ATP2B2: variants seen among roughly 807,000 people sequenced by gnomAD.
ATP2B2 encodes the protein ATPase plasma membrane Ca2+ transporting 2, also known as plasma membrane calcium-transporting ATPase 2.
Under a neutral mutation model 120.0 loss-of-function variants are expected in ATP2B2, and 15 were observed. The ratio of observed to expected loss-of-function variants is 0.12; its 90% CI spans 0.08 to 0.19. The LOEUF (loss-of-function observed/expected upper bound fraction) is 0.19, where lower values mean the gene tolerates loss of function less well. Among genes scored for constraint, ATP2B2 ranks in the 10% least tolerant of loss-of-function variants. ATP2B2 has a pLI of 1.00. For missense variants in ATP2B2, 1,045 were observed against 1,719.8 expected (o/e 0.61, Z 6.94); for synonymous variants, 694 against 700.3 (o/e 0.99, Z 0.14).
At chr3:10,556,072 T>A (rs1053581127) in intron 2 of ATP2B2, among the ~76,000 whole-genome samples, 2 of 152,182 alleles carry the variant, frequency 1.3e-5, no homozygotes, top group African/African-American at 4.8e-5. Context: ...CTAACTTTTG[T>A]ATTTTTAGTA....
intron 14 of ATP2B2, among the ~76,000 whole-genome samples, chr3:10,351,172 G>C (rs1392055706): frequency 6.6e-6 from 1 of 152,188 alleles, no homozygotes; most frequent in Non-Finnish European, 1.5e-5. Context: ...TGACTGTAAT[G>C]ACAGACGGAT....
intron 10 of ATP2B2, among the ~76,000 whole-genome samples, chr3:10,376,066 C>T (rs530567637): frequency 1.1e-4 from 17 of 152,224 alleles, no homozygotes; most frequent in Middle Eastern, 6.8e-3. Flanking sequence ...TTCATTTATT[C>T]GACAAATACC....
chr3:10,552,953 A>G (rs1045248300), intron 2 of ATP2B2, among the ~76,000 whole-genome samples: 1 of 152,202 alleles, frequency 6.6e-6, no homozygotes, highest in Non-Finnish European at 1.5e-5. Context: ...TAACATCTCC[A>G]TTTCGAAGGC....
chr3:10,659,473 A>C (rs1178720459), intron 1 of ATP2B2, among the ~76,000 whole-genome samples: 5 of 152,248 alleles, frequency 3.3e-5, no homozygotes, highest in South Asian at 2.1e-4. Context: ...GACTTTAAAC[A>C]AACTAAGATC....
chr3:10,597,166 C>G (rs1456072096), intron 2 of ATP2B2, among the ~76,000 whole-genome samples: 3 of 150,940 alleles, frequency 2.0e-5, no homozygotes, highest in East Asian at 1.9e-4. Flanking sequence ...CACACAGGCA[C>G]GCACACAGGC....
At position 10,420,201 on chromosome 3, in the gene ATP2B2, T is replaced by C. The variant is rs567205194; in HGVS notation, c.200-9386A>G. 4.6e-5 allele frequency among the ~76,000 whole-genome samples: 7 copies of C among 152,228 alleles called. No homozygotes were observed. In the South Asian group the frequency reaches 1.2e-3, roughly 27 times the overall value. On this transcript the variant is annotated intron_variant, in intron 2 of 22. Transcript: ENST00000360273. ...CCTGTCAGAGGTCAGACAGAGTGGG[T>C]AGCTTGCACAGGCATCACTGCTGGG...
At chr3:10,509,465 C>T (rs1255394842), upstream of ATP2B2, among the ~76,000 whole-genome samples, 2 of 152,142 alleles carry the variant, frequency 1.3e-5, no homozygotes, top group Non-Finnish European at 2.9e-5. Context: ...CACAGATCAC[C>T]CTCAAAGAGC....
At chr3:10,359,695 G>A (rs180979563) in intron 13 of ATP2B2, among the ~76,000 whole-genome samples, 187 bp downstream of exon 13, 90 of 152,358 alleles carry the variant, frequency 5.9e-4, no homozygotes, top group African/African-American at 1.9e-3. Flanking sequence ...GGGCATGCAA[G>A]TGAAGATGAG....
chr3:10,566,508 A>G (rs2068012423), intron 2 of ATP2B2: 3 of 152,276 alleles, frequency 2.0e-5, no homozygotes, highest in Admixed American at 2.0e-4. Flanking sequence ...AAAGTCATTT[A>G]TAACAACAAG....
At chr3:10,476,472 G>A (rs2065207452) in intron 1 of ATP2B2, among the ~76,000 whole-genome samples, 1 of 152,242 alleles carries the variant, frequency 6.6e-6, no homozygotes, top group South Asian at 2.1e-4. Context: ...AACAACGGGT[G>A]CGTGGGGATG....
At chr3:10,658,614 C>T (rs969664476) in intron 1 of ATP2B2, among the ~76,000 whole-genome samples, 4 of 152,102 alleles carry the variant, frequency 2.6e-5, no homozygotes, top group African/African-American at 9.7e-5. Context: ...AAATCTACAT[C>T]TGATTGGTGT....
At chr3:10,545,361 C>G (rs2067522444) in intron 2 of ATP2B2, among the ~76,000 whole-genome samples, 1 of 152,196 alleles carries the variant, frequency 6.6e-6, no homozygotes, top group African/African-American at 2.4e-5. Flanking sequence ...GAAACTCCGT[C>G]TCTACAAAAA....
At chr3:10,663,342 A>C (rs2125682266) in intron 1 of ATP2B2, among the ~76,000 whole-genome samples, 1 of 152,254 alleles carries the variant, frequency 6.6e-6, no homozygotes, top group South Asian at 2.1e-4. Flanking sequence ...AGATGGGGGA[A>C]TTTACAATGG....
At chr3:10,440,221 T>C (rs1425414739) in intron 2 of ATP2B2, among the ~76,000 whole-genome samples, 2 of 150,984 alleles carry the variant, frequency 1.3e-5, no homozygotes, top group Admixed American at 1.3e-4. Context: ...GGCACTTCTG[T>C]GGAACCTCAA....
rs559592572 is a variant in ATP2B2 at position 10,691,947 on chromosome 3, G to C, written c.-460+15968C>G. ...TCGTCTTCCAATACTGCGATGGTCTGATCCCCACTTTACAACTGAGAAAAC... is the reference window on the plus strand; with the variant it reads ...TCGTCTTCCAATACTGCGATGGTCTCATCCCCACTTTACAACTGAGAAAAC... On this transcript the variant is annotated intron_variant, in intron 1 of 21. Coordinates refer to the ATP2B2 transcript ENST00000646379. Among the ~76,000 whole-genome samples the C allele has an allele frequency of 9.2e-5, 14 of 152,302 alleles. No individual in the cohort carries two copies. In the South Asian group the frequency reaches 2.9e-3, roughly 32 times the overall value.
intron 22 of ATP2B2, among the ~76,000 whole-genome samples, chr3:10,330,513 C>T (rs1040830238): frequency 3.3e-5 from 5 of 152,268 alleles, no homozygotes; most frequent in African/African-American, 9.6e-5. Flanking sequence ...CCAGCCCCAA[C>T]TCGGAGTGGA....
chr3:10,399,598 T>C (rs1228278984), intron 5 of ATP2B2, among the ~76,000 whole-genome samples: 1 of 152,258 alleles, frequency 6.6e-6, no homozygotes, highest in African/African-American at 2.4e-5. Context: ...ACCTTGTTTG[T>C]TTCCTTAACC....
At chr3:10,669,353 C>T (rs532276764) in intron 1 of ATP2B2, among the ~76,000 whole-genome samples, 3 of 152,234 alleles carry the variant, frequency 2.0e-5, no homozygotes, top group Non-Finnish European at 2.9e-5. Flanking sequence ...CTGGGAGCCT[C>T]TTCCTGGCCC....
intron 1 of ATP2B2, among the ~76,000 whole-genome samples, chr3:10,645,156 A>G (rs1263553633): frequency 1.3e-5 from 2 of 152,194 alleles, no homozygotes; most frequent in Non-Finnish European, 2.9e-5. Context: ...AAGTGGGGTA[A>G]AATGTCAACC....
Sources: gnomAD v4.1 joint callset for allele counts (sites outside exome capture counted in the v4.1 genomes callset) on GRCh38, gnomAD v4.1.1 for gene constraint, MANE v1.5 for transcripts, NCBI Gene and HGNC (gene_info 2026-07-23, HGNC 2026-07-21) for gene names.